The following FOXP2 variants were observed in gnomAD, a reference collection of about 807,000 sequenced individuals.
FOXP2 encodes the protein forkhead box P2.
Under a neutral mutation model 115.8 loss-of-function variants are expected in FOXP2, and 12 were observed. The ratio of observed to expected loss-of-function variants is 0.10; its 90% CI spans 0.07 to 0.17. The LOEUF (loss-of-function observed/expected upper bound fraction) is 0.17, where lower values mean the gene tolerates loss of function less well. Ranked by LOEUF, FOXP2 falls within the 10% of genes least tolerant of loss-of-function variation. The pLI, the probability that FOXP2 is intolerant of heterozygous loss-of-function variation, is 1.00. For synonymous variants in FOXP2, 328 were observed against 297.7 expected, an observed-to-expected ratio of 1.10 and a Z score of -1.05; for missense variants, 629 against 843.5, an observed-to-expected ratio of 0.75 and a Z score of 3.15.
At chr7:114,588,339 A>G (rs1180404171) in intron 3 of FOXP2, among the ~76,000 whole-genome samples, 2 of 151,936 alleles carry the variant, frequency 1.3e-5, no homozygotes, top group Non-Finnish European at 2.9e-5. Context: ...ACAAAAAACA[A>G]ACAAACAAAA....
intron 2 of FOXP2, among the ~76,000 whole-genome samples, chr7:114,390,935 T>A (rs1213790367): frequency 6.6e-6 from 1 of 152,060 alleles, no homozygotes; most frequent in Non-Finnish European, 1.5e-5. Flanking sequence ...ATGTCTGTAA[T>A]CCCAGCACTT....
At chr7:114,141,614 C>G (rs753210707) in intron 1 of FOXP2, among the ~76,000 whole-genome samples, 1 of 152,196 alleles carries the variant, frequency 6.6e-6, no homozygotes, top group Non-Finnish European at 1.5e-5. Context: ...CCTGGGGCAG[C>G]CAGAGCCTTT....
At chr7:114,466,186 A>G (rs1347472619) in intron 2 of FOXP2, among the ~76,000 whole-genome samples, 1 of 152,142 alleles carries the variant, frequency 6.6e-6, no homozygotes, top group Non-Finnish European at 1.5e-5. Flanking sequence ...ACTTTATATT[A>G]CTGGAATTTT....
chr7:114,297,135 T>C, intron 2 of FOXP2: 1 of 487,326 alleles, frequency 2.1e-6, no homozygotes. Context: ...GCAGCGACTT[T>C]CCTCATGGCG....
chr7:114,188,694 A>T (rs1437865155), intron 1 of FOXP2, among the ~76,000 whole-genome samples: 1 of 152,156 alleles, frequency 6.6e-6, no homozygotes, highest in African/African-American at 2.4e-5. Flanking sequence ...GGCTCAGGTG[A>T]TCTTCCCACC....
chr7:114,405,042 AAG>A (rs1457714355), intron 2 of FOXP2, among the ~76,000 whole-genome samples: 3 of 151,896 alleles, frequency 2.0e-5, no homozygotes, highest in African/African-American at 7.2e-5. Context: ...TTTTACATTT[AAG>A]TGCTTTTTGA....
At chr7:114,417,274 A>G (rs180893093) in intron 1 of FOXP2, among the ~76,000 whole-genome samples, 1 of 152,022 alleles carries the variant, frequency 6.6e-6, no homozygotes, top group Non-Finnish European at 1.5e-5. Context: ...TAAATGCTAC[A>G]TGTTTTAAAT....
chr7:114,617,230 T>C (rs1803998101), intron 3 of FOXP2, among the ~76,000 whole-genome samples: 1 of 152,226 alleles, frequency 6.6e-6, no homozygotes, highest in Admixed American at 6.5e-5. Flanking sequence ...TTTACCATCA[T>C]AAATGAGACT....
chr7:114,300,922 C>G (rs1796865508), intron 2 of FOXP2, among the ~76,000 whole-genome samples: 1 of 151,978 alleles, frequency 6.6e-6, no homozygotes. Flanking sequence ...CCAAGTGATT[C>G]TTAGCCCCAT....
intron 1 of FOXP2, among the ~76,000 whole-genome samples, chr7:114,170,586 CAT>C (rs1793111817): frequency 6.6e-6 from 1 of 152,124 alleles, no homozygotes; most frequent in African/African-American, 2.4e-5. Context: ...CTTTAGTGAA[CAT>C]ATGAGTGATA....
rs1527142 is a variant in FOXP2 at position 114,342,186 on chromosome 7, T to G, written c.-11+54077T>G. ...GAAAGACCAACCAATAACTTCCATTTTGACTATTCCTTTTATTTTATGAAG... is the reference window on the plus strand; with the variant it reads ...GAAAGACCAACCAATAACTTCCATTGTGACTATTCCTTTTATTTTATGAAG... On this transcript the variant is annotated intron_variant, in intron 2 of 17. Transcript: ENST00000634411. 6.5e-3 allele frequency among the ~76,000 whole-genome samples: 988 copies of G among 151,568 alleles called. 7 individuals carry two copies. The highest frequency in any genetic ancestry group is 0.023 in the African/African-American group (939 of 41,460).
At chr7:114,346,005 A>G (rs1791337742) in intron 2 of FOXP2, among the ~76,000 whole-genome samples, 1 of 151,792 alleles carries the variant, frequency 6.6e-6, no homozygotes, top group Non-Finnish European at 1.5e-5. Context: ...CACAAACAGC[A>G]ATTTACATTT....
intron 10 of FOXP2, among the ~76,000 whole-genome samples, chr7:114,655,060 GAC>G (rs1806499188): frequency 1.3e-5 from 2 of 151,994 alleles, no homozygotes; most frequent in Admixed American, 6.6e-5. Context: ...GAAGAAAAAA[GAC>G]ATGTATCTTT....
At chr7:114,646,357 G>T (rs1462023258) in intron 8 of FOXP2, among the ~76,000 whole-genome samples, 1 of 151,870 alleles carries the variant, frequency 6.6e-6, no homozygotes, top group Non-Finnish European at 1.5e-5. Flanking sequence ...TTTGTTTATA[G>T]CAAATTGAAA....
At chr7:114,131,914 C>T (rs1485450434) in intron 1 of FOXP2, among the ~76,000 whole-genome samples, 1 of 152,086 alleles carries the variant, frequency 6.6e-6, no homozygotes, top group African/African-American at 2.4e-5. Context: ...GGTGAAAAGA[C>T]ATATTAAATA....
intron 2 of FOXP2, among the ~76,000 whole-genome samples, chr7:114,520,286 A>C (rs1489800449): frequency 6.6e-6 from 1 of 152,154 alleles, no homozygotes; most frequent in African/African-American, 2.4e-5. Flanking sequence ...ATATTTTTTA[A>C]TGAAGTGTTC....
chr7:114,260,871 A>T (rs1795731924), intron 1 of FOXP2, among the ~76,000 whole-genome samples: 3 of 151,730 alleles, frequency 2.0e-5, no homozygotes, highest in South Asian at 2.1e-4. Flanking sequence ...CAGGCAATTA[A>T]CCGAACACAT....
At chr7:114,599,454 A>G (rs1802903853) in intron 3 of FOXP2, among the ~76,000 whole-genome samples, 1 of 152,096 alleles carries the variant, frequency 6.6e-6, no homozygotes. Context: ...TTCACTGGTA[A>G]AGTCAACTGG....
intron 9 of FOXP2, 49 bp from the exon 10 acceptor site, chr7:114,653,877 C>G: frequency 6.5e-7 from 1 of 1,535,818 alleles, no homozygotes; most frequent in Non-Finnish European, 9.0e-7. Flanking sequence ...AATAAAATAG[C>G]TGTATCAGTC....
Sources: allele counts gnomAD v4.1 joint callset (sites outside exome capture counted in the v4.1 genomes callset), GRCh38; gene constraint gnomAD v4.1.1; transcripts MANE v1.5; gene names NCBI Gene and HGNC (gene_info 2026-07-23, HGNC 2026-07-21).